ST6GALNAC5: variants seen among roughly 807,000 people sequenced by gnomAD.
The protein encoded by ST6GALNAC5 is ST6 N-acetylgalactosaminide alpha-2,6-sialyltransferase 5.
In ST6GALNAC5, 27 loss-of-function variants were observed where a neutral mutation model predicts 33.6. The ratio of observed to expected loss-of-function variants is 0.80; its 90% CI spans 0.59 to 1.11. The LOEUF is 1.11. ST6GALNAC5 is among the 50% of genes least tolerant of loss of function. The probability of loss-of-function intolerance (pLI) is 0.00; values close to 1 mark genes in which losing one functional copy is unlikely to be tolerated. For missense variants in ST6GALNAC5, 428 were observed against 454.0 expected, an observed-to-expected ratio of 0.94 and a Z score of 0.52; for synonymous variants, 194 against 171.2, an observed-to-expected ratio of 1.13 and a Z score of -1.04.
intron 2 of ST6GALNAC5, among the ~76,000 whole-genome samples, chr1:77,033,459 C>A (rs1174764593): frequency 1.3e-5 from 2 of 152,150 alleles, no homozygotes; most frequent in Admixed American, 1.3e-4. Context: ...TGAACTGTAC[C>A]TCAACTTCCT....
At chr1:77,060,505 T>C (rs1570150751) in intron 4 of ST6GALNAC5, among the ~76,000 whole-genome samples, 1 of 152,032 alleles carries the variant, frequency 6.6e-6, no homozygotes, top group Non-Finnish European at 1.5e-5. Flanking sequence ...ACAGCTGGGG[T>C]AGATGTTCCT....
chr1:76,911,290 A>G (rs1646908984), intron 2 of ST6GALNAC5, among the ~76,000 whole-genome samples: 1 of 152,176 alleles, frequency 6.6e-6, no homozygotes. Flanking sequence ...CCAGGGATGA[A>G]GCCCACTTGA....
At chr1:76,997,582 C>T (rs1321677140) in intron 2 of ST6GALNAC5, among the ~76,000 whole-genome samples, 1 of 152,140 alleles carries the variant, frequency 6.6e-6, no homozygotes, top group Non-Finnish European at 1.5e-5. Flanking sequence ...TCTTTGAATG[C>T]TATTGTGGGT....
At chr1:76,986,686 C>G (rs1459038083) in intron 2 of ST6GALNAC5, among the ~76,000 whole-genome samples, 1 of 152,152 alleles carries the variant, frequency 6.6e-6, no homozygotes, top group Non-Finnish European at 1.5e-5. Context: ...GATTATAAAT[C>G]ATGCTACTAT....
chr1:76,918,616 C>CAAAAAAAA (rs5775368), intron 2 of ST6GALNAC5, among the ~76,000 whole-genome samples: 1 of 76,586 alleles, frequency 1.3e-5, no homozygotes. Flanking sequence ...GACTCCATCT[C>CAAAAAAAA]AAAAAAAAAA....
chr1:76,974,157 TA>T (rs965883413), intron 2 of ST6GALNAC5, among the ~76,000 whole-genome samples: 1 of 151,578 alleles, frequency 6.6e-6, no homozygotes, highest in Non-Finnish European at 1.5e-5. Context: ...TCTTCATTTC[TA>T]AAAATGTAGT....
chr1:76,957,735 A>G (rs1648065076), intron 2 of ST6GALNAC5, among the ~76,000 whole-genome samples: 1 of 152,066 alleles, frequency 6.6e-6, no homozygotes, highest in Admixed American at 6.6e-5. Context: ...CTACATAACC[A>G]CAATACTACT....
intron 2 of ST6GALNAC5, among the ~76,000 whole-genome samples, chr1:76,991,037 G>C (rs1649704395): frequency 6.6e-6 from 1 of 152,102 alleles, no homozygotes; most frequent in Non-Finnish European, 1.5e-5. Flanking sequence ...CACCCTCTCT[G>C]TGTCACCTTC....
At chr1:76,985,975 T>A (rs943062636) in intron 2 of ST6GALNAC5, among the ~76,000 whole-genome samples, 7 of 152,138 alleles carry the variant, frequency 4.6e-5, no homozygotes, top group African/African-American at 1.7e-4. Context: ...TGAAATTGGA[T>A]CCCTTCCTTA....
intron 2 of ST6GALNAC5, among the ~76,000 whole-genome samples, chr1:77,006,179 G>A (rs920438345): frequency 6.6e-6 from 1 of 151,748 alleles, no homozygotes; most frequent in African/African-American, 2.4e-5. Context: ...TGTTGAGACA[G>A]GGTCTTCTTC....
Position 77,066,402 on chromosome 1 carries a change from A to G in ST6GALNAC5, c.*3196A>G, listed in dbSNP as rs1400075212. On this transcript the variant is annotated 3_prime_UTR_variant, in exon 5 of 5. Coordinates refer to ENST00000477717, the MANE Select transcript of ST6GALNAC5 (RefSeq NM_030965.3). The stretch of plus-strand genomic sequence containing the variant: ...TCTCCATTACTGATCTATTTGAATG[A>G]CATGAGAATGGAGGGAAATAATCTC... Among the ~76,000 whole-genome samples, 1 of 152,230 alleles carries G rather than the reference A, an allele frequency of 6.6e-6. No homozygotes were observed. The highest frequency in any genetic ancestry group is 1.5e-5 in the Non-Finnish European group (1 of 68,042).
chr1:76,896,523 G>A (rs1382831197), intron 2 of ST6GALNAC5, among the ~76,000 whole-genome samples: 1 of 152,090 alleles, frequency 6.6e-6, no homozygotes, highest in Non-Finnish European at 1.5e-5. Flanking sequence ...GATTAGGCCT[G>A]GTGGAACTGC....
intron 2 of ST6GALNAC5, among the ~76,000 whole-genome samples, chr1:76,910,557 T>A (rs1646901198): frequency 6.6e-6 from 1 of 152,070 alleles, no homozygotes; most frequent in Admixed American, 6.6e-5. Flanking sequence ...TTTTAAAATA[T>A]CAGTTTGATG....
Position 76,981,273 on chromosome 1 carries a change from G to T in ST6GALNAC5, c.262-62931G>T, listed in dbSNP as rs192734610. Among the ~76,000 whole-genome samples, 12 of 152,278 alleles carry T rather than the reference G, an allele frequency of 7.9e-5. No individual in the cohort carries two copies. In the East Asian group the frequency reaches 2.1e-3, roughly 27 times the overall value. On this transcript the variant is annotated intron_variant, in intron 2 of 4. Transcript: ENST00000477717. ...GTGACAGACTACCTGGAAAAATGGGGCACTCCCACCCAAATACTGTGCTTT... is the reference window on the plus strand; with the variant it reads ...GTGACAGACTACCTGGAAAAATGGGTCACTCCCACCCAAATACTGTGCTTT...
At chr1:76,956,874 T>C (rs1368718344) in intron 2 of ST6GALNAC5, among the ~76,000 whole-genome samples, 2 of 151,956 alleles carry the variant, frequency 1.3e-5, no homozygotes, top group African/African-American at 4.8e-5. Context: ...GTTGGGGAGG[T>C]TTTGTGAGGT....
At position 76,868,111 on chromosome 1, in the gene ST6GALNAC5, C is replaced by A. The variant is rs928438255; in HGVS notation, c.16-386C>A. Among the ~76,000 whole-genome samples the A allele has an allele frequency of 3.9e-5, 6 of 152,202 alleles. No individual in the cohort carries two copies. Among genetic ancestry groups the A allele is most frequent in the African/African-American group, 1.4e-4 (6 of 41,462 alleles). On this transcript the variant is annotated intron_variant, in intron 1 of 4. Transcript: ENST00000477717. This position sits in a 1 kb window ranked among gnomAD's most constrained non-coding sequence, Gnocchi z 4.3. ...GCAAGGATCGCAAGGATCCAGGGCC[C>A]CAGGAAAGGAGGGGTGTGAAGGACT...
At chr1:77,060,930 T>C (rs1652555807) in intron 4 of ST6GALNAC5, among the ~76,000 whole-genome samples, 1 of 152,196 alleles carries the variant, frequency 6.6e-6, no homozygotes, top group African/African-American at 2.4e-5. Context: ...CATGGCAACA[T>C]GAAATTGGCA....
chr1:76,924,633 T>A (rs1647066832), intron 2 of ST6GALNAC5, among the ~76,000 whole-genome samples: 1 of 151,984 alleles, frequency 6.6e-6, no homozygotes. Flanking sequence ...CTTTCATATA[T>A]GTACCAAAGT....
At chr1:76,974,929 G>C (rs1245263948) in intron 2 of ST6GALNAC5, among the ~76,000 whole-genome samples, 2 of 151,316 alleles carry the variant, frequency 1.3e-5, no homozygotes, top group Non-Finnish European at 2.9e-5. Flanking sequence ...GGGATTACAG[G>C]CATGCACCAC....
Sources: gnomAD v4.1 joint callset for allele counts (sites outside exome capture counted in the v4.1 genomes callset) on GRCh38, gnomAD v4.1.1 for gene constraint, Gnocchi (gnomAD v3.1) non-coding constraint, MANE v1.5 for transcripts, NCBI Gene and HGNC (gene_info 2026-07-23, HGNC 2026-07-21) for gene names.